ADGRB1: variants seen among roughly 807,000 people sequenced by gnomAD.
The protein encoded by ADGRB1 is brain-specific angiogenesis inhibitor 1.
A neutral mutation model predicts 175.7 loss-of-function variants in ADGRB1; 36 were observed. That is an observed-to-expected ratio of 0.20 (90% CI 0.16 to 0.27). The LOEUF is 0.27. Ranked by LOEUF, ADGRB1 falls within the 10% of genes least tolerant of loss-of-function variation. The pLI, the probability that ADGRB1 is intolerant of heterozygous loss-of-function variation, is 1.00. For missense variants in ADGRB1, 1,731 were observed against 2,255.3 expected, an observed-to-expected ratio of 0.77 and a Z score of 4.71; for synonymous variants, 1,054 against 979.4, an observed-to-expected ratio of 1.08 and a Z score of -1.42.
chr8:142,527,953 C>G (rs550091029), intron 24 of ADGRB1, among the ~76,000 whole-genome samples: 1 of 152,368 alleles, frequency 6.6e-6, no homozygotes, highest in Non-Finnish European at 1.5e-5. Context: ...GCGGCCTGCA[C>G]TCTGCCCACC....
chr8:142,524,423 C>T (rs1844055083), intron 23 of ADGRB1, 119 bp downstream of exon 23: 5 of 1,108,754 alleles, frequency 4.5e-6, no homozygotes, highest in Non-Finnish European at 6.4e-6. Flanking sequence ...CAGGATGGCC[C>T]TCATGGCCCT....
chr8:142,486,502 C>T (rs1441659206), intron 13 of ADGRB1, among the ~76,000 whole-genome samples: 1 of 152,166 alleles, frequency 6.6e-6, no homozygotes, highest in Non-Finnish European at 1.5e-5. Context: ...CCGAGGTGTC[C>T]CATCCCCAGG....
chr8:142,475,414 A>G (rs994351156), intron 2 of ADGRB1, 60 bp from the exon 3 acceptor site: 2 of 1,243,312 alleles, frequency 1.6e-6, no homozygotes, highest in East Asian at 6.2e-5. Context: ...CCCATGACTT[A>G]CCCGTCCAGG....
chr8:142,544,177 C>T lies in ADGRB1; in HGVS notation c.4558-43C>T, dbSNP rs765676973. The T allele has an allele frequency of 2.4e-5, 37 of 1,538,812 alleles. No homozygotes were observed. In the South Asian group the frequency reaches 4.3e-4, roughly 18 times the overall value. On this transcript the variant is annotated intron_variant, in intron 30 of 30. Transcript: ENST00000517894. ...CCCTACTCCTCGGGCTCATGGCTCT[C>T]CCTCCGGGCCCCACCCCTCCTGCAC...
At chr8:142,521,789 A>G (rs1452794782) in intron 20 of ADGRB1, among the ~76,000 whole-genome samples, 176 bp from the exon 21 acceptor site, 4 of 152,202 alleles carry the variant, frequency 2.6e-5, no homozygotes, top group Admixed American at 6.5e-5. Flanking sequence ...ATGGTCAACA[A>G]TTCATCTCAG....
rs75397944 is a variant in ADGRB1, at chr8:142,537,548, C to T, written c.3666+466C>T. On this transcript the variant is annotated intron_variant, in intron 26 of 30. Coordinates refer to ENST00000517894, the MANE Select transcript of ADGRB1 (RefSeq NM_001702.3). This position sits in a 1 kb window ranked among gnomAD's most constrained non-coding sequence, Gnocchi z 4.6. ...ATATTCCCACCTGCTGCCTCCCTGG[C>T]GCTCCCTGGGTGCTGCCCAGTCCTC... is the stretch of plus-strand genomic sequence containing the variant. 2.2e-3 allele frequency among the ~76,000 whole-genome samples: 333 copies of T among 152,156 alleles called. 9 individuals are homozygous for T. The East Asian group carries it at 0.056, about 26-fold the overall frequency.
At chr8:142,513,505 T>G (rs889076035) in intron 18 of ADGRB1, among the ~76,000 whole-genome samples, 4 of 152,076 alleles carry the variant, frequency 2.6e-5, no homozygotes, top group African/African-American at 9.7e-5. Flanking sequence ...GCTCTCTGGG[T>G]GCAGCCTGCC....
intron 2 of ADGRB1, among the ~76,000 whole-genome samples, chr8:142,466,711 A>G (rs911362520): frequency 6.6e-6 from 1 of 152,172 alleles, no homozygotes; most frequent in African/African-American, 2.4e-5. Flanking sequence ...GGGACTGGGG[A>G]GAGAACGAAG....
chr8:142,518,206 G>A lies in ADGRB1; in HGVS notation c.2886G>A (p.Leu962=). 2.5e-6 allele frequency: 4 copies of A among 1,613,802 alleles called. No homozygotes were observed. Among genetic ancestry groups the A allele is most frequent in the Non-Finnish European group, 3.4e-6 (4 of 1,179,792 alleles). The part of the protein sequence containing the change: ...IVGCGVSSLT[L]LMLVIIYVSV... Reference sequence around the variant, plus strand: ...GCTGTGGCGTGTCCTCTCTCACCCTGCTCATGCTGGTCATCATCTACGTGT... The same window carrying A: ...GCTGTGGCGTGTCCTCTCTCACCCTACTCATGCTGGTCATCATCTACGTGT... The change falls in exon 19 of 31, where the codon CTG becomes CTA. Residue 962 remains leucine (L), a synonymous_variant. Transcript: ENST00000517894.
At chr8:142,451,341 C>T (rs1839338575) in intron 1 of ADGRB1, among the ~76,000 whole-genome samples, 1 of 152,180 alleles carries the variant, frequency 6.6e-6, no homozygotes. Context: ...TACCCCTTTC[C>T]ACTTTTATTT....
Position 142,455,877 on chromosome 8 carries a change from T to C in ADGRB1, c.-220+5773T>C, listed in dbSNP as rs1348996869. Among the ~76,000 whole-genome samples the C allele has an allele frequency of 6.6e-6, 1 of 152,132 alleles. No individual in the cohort carries two copies. Among genetic ancestry groups the C allele is most frequent in the Non-Finnish European group, 1.5e-5 (1 of 68,016 alleles). ...CGGTTGGTCTTTGGGCCAGCACCTCTCTGAGGCTAAGTTGGCATCTCTGTG... is the reference window on the plus strand; with the variant it reads ...CGGTTGGTCTTTGGGCCAGCACCTCCCTGAGGCTAAGTTGGCATCTCTGTG... On this transcript the variant is annotated intron_variant, in intron 1 of 30. Coordinates refer to ENST00000517894, the MANE Select transcript of ADGRB1 (RefSeq NM_001702.3). This position sits in a 1 kb window ranked among gnomAD's most constrained non-coding sequence, Gnocchi z 4.9.
chr8:142,507,479 T>C (rs573179611), intron 17 of ADGRB1, among the ~76,000 whole-genome samples: 1 of 152,082 alleles, frequency 6.6e-6, no homozygotes, highest in Non-Finnish European at 1.5e-5. Flanking sequence ...GGGCCTTCCA[T>C]GGCCTGACCC....
intron 25 of ADGRB1, among the ~76,000 whole-genome samples, 198 bp downstream of exon 25, chr8:142,533,664 G>A (rs565476528): frequency 8.3e-4 from 127 of 152,210 alleles, no homozygotes; most frequent in African/African-American, 2.5e-3. Flanking sequence ...CCCTGGGAGC[G>A]GCCCAGGCAG....
intron 2 of ADGRB1, among the ~76,000 whole-genome samples, chr8:142,469,436 AGT>A (rs147402321): frequency 0.17 from 20,630 of 124,648 alleles, 1,600 homozygotes; most frequent in Middle Eastern, 0.23. Context: ...CGTGTGAATG[AGT>A]GTGTGCACGT....
At position 142,458,516 on chromosome 8, in the gene ADGRB1, G is replaced by A. The variant is rs541091661; in HGVS notation, c.-219-5464G>A. Among the ~76,000 whole-genome samples the A allele has an allele frequency of 3.3e-5, 5 of 152,276 alleles. No homozygotes were observed. The East Asian group carries it at 7.7e-4, about 23-fold the overall frequency. On this transcript the variant is annotated intron_variant, in intron 1 of 30. Coordinates refer to ENST00000517894, the MANE Select transcript of ADGRB1 (RefSeq NM_001702.3). ...GGCCTGCGGTCAGTGTGTAGTGAAC[G>A]TTGGTGCCCTCTTCCCCACGCTGTG...
rs150686711 is a variant in ADGRB1 at position 142,529,567 on chromosome 8, C to A, written c.3398+2940C>A. On this transcript the variant is annotated intron_variant, in intron 24 of 30. Transcript: ENST00000517894. ...AAGCATGCATCTATGTGTGTGAGTG[C>A]AACCCACTGTGCATGTGTGAGCGTG... Among the ~76,000 whole-genome samples, 957 of 151,976 alleles carry A rather than the reference C, an allele frequency of 6.3e-3. 7 individuals carry two copies. Among genetic ancestry groups the A allele is most frequent in the Non-Finnish European group, 0.011 (716 of 67,982 alleles).
At chr8:142,469,495 G>A (rs1252200433) in intron 2 of ADGRB1, among the ~76,000 whole-genome samples, 1 of 149,764 alleles carries the variant, frequency 6.7e-6, no homozygotes, top group Non-Finnish European at 1.5e-5. Context: ...GTATGCACGT[G>A]CATGTGTGAA....
At chr8:142,501,028 C>T (rs533963189) in intron 17 of ADGRB1, among the ~76,000 whole-genome samples, 10 of 152,140 alleles carry the variant, frequency 6.6e-5, no homozygotes, top group Non-Finnish European at 1.5e-4. Flanking sequence ...GGGATAAACA[C>T]TTGTTGTCGA....
chr8:142,544,366 C>A lies in ADGRB1; in HGVS notation c.4704C>A (p.Ala1568=). 6.5e-7 allele frequency: 1 copy of A among 1,535,138 alleles called. No homozygotes were observed. The highest frequency in any genetic ancestry group is 8.8e-7 in the Non-Finnish European group (1 of 1,139,050). Residue 1568 remains alanine (A), a synonymous_variant, in exon 31 of 31, where the codon GCC becomes GCA. Transcript: ENST00000517894. ...GCGTGGAGTGGGAGAGGTCGGGCGC[C>A]ACGATCCCGCTGGTGGGCCAGGACA... is the stretch of plus-strand genomic sequence containing the variant. ...LRSVEWERSG[A]TIPLVGQDII... is the part of the protein sequence containing the mutation.
Sources: gnomAD v4.1 joint callset for allele counts (sites outside exome capture counted in the v4.1 genomes callset) on GRCh38, gnomAD v4.1.1 for gene constraint, Gnocchi (gnomAD v3.1) non-coding constraint, MANE v1.5 for transcripts, NCBI Gene and HGNC (gene_info 2026-07-23, HGNC 2026-07-21) for gene names.